The following STOX1 variants were observed in gnomAD, a reference collection of about 807,000 sequenced individuals.
STOX1 encodes the protein storkhead-box protein 1.
A neutral mutation model predicts 74.8 loss-of-function variants in STOX1; 57 were observed. That is an observed-to-expected ratio of 0.76 (90% CI 0.62 to 0.95). The LOEUF is 0.95. Among genes scored for constraint, STOX1 ranks in the 40% least tolerant of loss-of-function variants. STOX1 has a pLI of 0.00. For missense variants in STOX1, 1,010 were observed against 1,117.0 expected (o/e 0.90, Z 1.37); for synonymous variants, 375 against 401.3 (o/e 0.93, Z 0.78).
At chr10:68,895,382 G>A (rs1189651150), downstream of STOX1, 1 of 152,190 alleles carries the variant, frequency 6.6e-6, no homozygotes, top group Non-Finnish European at 1.5e-5. Flanking sequence ...TTTCTCCTAT[G>A]AAACTCATCA....
chr10:68,860,246 T>TGACA (rs1840229352), intron 1 of STOX1, among the ~76,000 whole-genome samples: 1 of 147,658 alleles, frequency 6.8e-6, no homozygotes, highest in South Asian at 2.1e-4. Flanking sequence ...CCAGCCTCGG[T>TGACA]GACAGAGCAA....
chr10:68,895,392 A>T (rs945399763), downstream of STOX1: 3 of 152,244 alleles, frequency 2.0e-5, no homozygotes, highest in African/African-American at 7.2e-5. Flanking sequence ...GAAACTCATC[A>T]TATAACACAG....
intron 1 of STOX1, among the ~76,000 whole-genome samples, chr10:68,843,243 A>G (rs1839740893): frequency 6.6e-6 from 1 of 151,918 alleles, no homozygotes; most frequent in East Asian, 1.9e-4. Context: ...TGTTCCCCAG[A>G]CTGGTCCCGA....
intron 1 of STOX1, among the ~76,000 whole-genome samples, chr10:68,833,324 G>C (rs780123444): frequency 3.9e-5 from 6 of 151,962 alleles, no homozygotes; most frequent in Non-Finnish European, 8.8e-5. Flanking sequence ...CCCGACCTCA[G>C]TTGATTCATC....
chr10:68,838,390 T>G (rs1839613023), intron 1 of STOX1, among the ~76,000 whole-genome samples: 1 of 152,190 alleles, frequency 6.6e-6, no homozygotes, highest in South Asian at 2.1e-4. Context: ...GGATAGTTTA[T>G]TGTTAATGTA....
chr10:68,893,066 T>C (rs41278538), downstream of STOX1: 16,703 of 239,568 alleles, frequency 0.07, 809 homozygotes, highest in Non-Finnish European at 0.094. Context: ...ATTTACTTCC[T>C]GTAGTGAATT....
intron 1 of STOX1, chr10:68,828,258 T>C: frequency 8.9e-7 from 1 of 1,120,926 alleles, no homozygotes. Flanking sequence ...GGCTTCCGCA[T>C]CAGGGCGGTG....
chr10:68,892,441 C>T (rs10740310), intron 3 of STOX1, 148 bp from the exon 4 acceptor site: 653,443 of 704,442 alleles, frequency 0.93, 303,447 homozygotes, highest in East Asian at 1. Flanking sequence ...AAGAGCACTT[C>T]GGATTTTTAA....
chr10:68,854,775 A>C (rs1240228437), intron 1 of STOX1, among the ~76,000 whole-genome samples: 1 of 152,096 alleles, frequency 6.6e-6, no homozygotes, highest in African/African-American at 2.4e-5. Context: ...ATGACCCCAG[A>C]GGGCACACAT....
chr10:68,878,390 T>A (rs73266491), intron 1 of STOX1, among the ~76,000 whole-genome samples: 2,284 of 152,094 alleles, frequency 0.015, 66 homozygotes, highest in African/African-American at 0.052. Context: ...GGATTTTGAG[T>A]TTTAGGTAAA....
At chr10:68,890,361 C>A (rs1448638040) in intron 3 of STOX1, among the ~76,000 whole-genome samples, 1 of 151,848 alleles carries the variant, frequency 6.6e-6, no homozygotes, top group Non-Finnish European at 1.5e-5. Flanking sequence ...TGAGGTCTCA[C>A]TATGTTGTCC....
Position 68,881,976 on chromosome 10 carries a change from A to G in STOX1, c.329A>G (p.Gln110Arg). The G allele has an allele frequency of 1.9e-6, 3 of 1,613,942 alleles. No homozygotes were observed. The highest frequency in any genetic ancestry group is 2.5e-6 in the Non-Finnish European group (3 of 1,179,908). The part of the protein sequence containing the change: ...IRAVGDVFPV[Q>R]MNPITQSQFV... ...AATTTAGGTGATGTCTTTCCAGTGC[A>G]AATGAATCCAATAACTCAATCTCAG... Residue 110 changes from glutamine to arginine, a missense_variant, in exon 2 of 4, where the codon CAA (glutamine) becomes CGA (arginine). Coordinates refer to ENST00000298596, the MANE Select transcript of STOX1 (RefSeq NM_152709.5).
chr10:68,853,802 C>G (rs572026761), intron 1 of STOX1, among the ~76,000 whole-genome samples: 2 of 151,858 alleles, frequency 1.3e-5, no homozygotes, highest in East Asian at 3.9e-4. Context: ...TCTCCTGCCT[C>G]AGCCTCCCAA....
At chr10:68,887,676 C>T (rs1314809373) in intron 3 of STOX1, among the ~76,000 whole-genome samples, 1 of 150,350 alleles carries the variant, frequency 6.7e-6, no homozygotes, top group Non-Finnish European at 1.5e-5. Context: ...TCACTGCAAC[C>T]TCCGCCTCCC....
At chr10:68,871,189 G>A (rs1007475929) in intron 1 of STOX1, among the ~76,000 whole-genome samples, 9 of 152,096 alleles carry the variant, frequency 5.9e-5, no homozygotes, top group South Asian at 2.1e-4. Context: ...GGTTTGAGTC[G>A]GTCATTCCTG....
At chr10:68,870,342 A>C (rs947827330) in intron 1 of STOX1, among the ~76,000 whole-genome samples, 1 of 152,182 alleles carries the variant, frequency 6.6e-6, no homozygotes, top group Non-Finnish European at 1.5e-5. Flanking sequence ...GGTCAAAAAA[A>C]GGATGTTCTC....
chr10:68,886,174 T>G lies in STOX1; in HGVS notation c.2378T>G (p.Val793Gly), dbSNP rs956368653. The G allele has an allele frequency of 6.2e-7, 1 of 1,614,072 alleles. No individual in the cohort carries two copies. The change falls in exon 3 of 4, where the codon GTG (valine) becomes GGG (glycine). Residue 793 changes from valine (V) to glycine (G), a missense_variant. Physicochemically the swap from Val to Gly is moderately radical, Grantham distance 109. Transcript: ENST00000298596. The part of the protein sequence containing the change: ...NSTMERVESQ[V>G]LKRNECYKPT... ...ACAATGGAGAGGGTTGAGTCTCAGG[T>G]GCTTAAAAGAAATGAATGCTACAAA...
At chr10:68,831,002 T>C (rs1839392419) in intron 1 of STOX1, among the ~76,000 whole-genome samples, 1 of 152,076 alleles carries the variant, frequency 6.6e-6, no homozygotes, top group Non-Finnish European at 1.5e-5. Context: ...CAAAAGGAAT[T>C]GAAAGTTTGT....
At chr10:68,889,406 G>A (rs1441930049) in intron 3 of STOX1, among the ~76,000 whole-genome samples, 1 of 152,154 alleles carries the variant, frequency 6.6e-6, no homozygotes, top group African/African-American at 2.4e-5. Context: ...CCATCCTCTT[G>A]CCTTGGCCTC....
Sources: gnomAD v4.1 joint callset for allele counts (sites outside exome capture counted in the v4.1 genomes callset) on GRCh38, gnomAD v4.1.1 for gene constraint, MANE v1.5 for transcripts, NCBI Gene and HGNC (gene_info 2026-07-23, HGNC 2026-07-21) for gene names.